Variants in CHD1L observed in about 807,000 individuals in gnomAD.
CHD1L encodes chromodomain helicase DNA binding protein 1 like.
A neutral mutation model predicts 115.9 loss-of-function variants in CHD1L; 118 were observed. That is an observed-to-expected ratio of 1.02 (90% CI 0.88 to 1.19). The LOEUF (loss-of-function observed/expected upper bound fraction) is 1.19. Ranked by LOEUF, CHD1L falls within the 50% of genes most tolerant of loss-of-function variation. The pLI is 0.00. For missense variants in CHD1L, 1,179 were observed against 1,065.3 expected, an observed-to-expected ratio of 1.11 and a Z score of -1.49; for synonymous variants, 411 against 387.1, an observed-to-expected ratio of 1.06 and a Z score of -0.72.
At chr1:147,291,777 G>C (rs1467077068) in intron 20 of CHD1L, among the ~76,000 whole-genome samples, 1 of 152,130 alleles carries the variant, frequency 6.6e-6, no homozygotes, top group East Asian at 1.9e-4. Context: ...TTTCTCCCGA[G>C]GATTCTCTCC....
the CHD1L span, among the ~76,000 whole-genome samples, chr1:147,214,458 A>AG: frequency 1.0e-3 from 2 of 1,916 alleles, no homozygotes; most frequent in Non-Finnish European, 0.018. Context: ...CTGAAAAAAA[A>AG]CAAAAAACAA....
the CHD1L span, among the ~76,000 whole-genome samples, chr1:147,188,069 GATA>G: frequency 6.6e-6 from 1 of 152,168 alleles, no homozygotes; most frequent in Admixed American, 6.5e-5. Flanking sequence ...CAGAGGACCT[GATA>G]GAGGGTCAAG....
chr1:147,193,018 C>A, the CHD1L span, among the ~76,000 whole-genome samples: 6 of 152,102 alleles, frequency 3.9e-5, no homozygotes, highest in African/African-American at 7.3e-5. Context: ...ATGATGCTGG[C>A]CTCATAAAAT....
the CHD1L span, among the ~76,000 whole-genome samples, chr1:147,229,496 T>C: frequency 6.6e-6 from 1 of 152,200 alleles, no homozygotes; most frequent in South Asian, 2.1e-4. Flanking sequence ...ATGCGGGCTC[T>C]TTTTTGGTTC....
the CHD1L span, chr1:147,178,123 C>A: frequency 6.3e-7 from 1 of 1,591,236 alleles, no homozygotes; most frequent in Non-Finnish European, 8.6e-7. Flanking sequence ...CATGTGCCTC[C>A]GCCGCCCAGC....
At chr1:147,293,386 A>C (rs1270487235) in intron 20 of CHD1L, among the ~76,000 whole-genome samples, 1 of 152,210 alleles carries the variant, frequency 6.6e-6, no homozygotes, top group Admixed American at 6.5e-5. Context: ...AGTATTTTAA[A>C]AAGAAGAAGA....
rs1553974482 is a variant in CHD1L, at chr1:147,294,437, T to C, written c.2535T>C (p.His845=). Residue 845 remains histidine, a synonymous_variant, in exon 22 of 23, where the codon CAT becomes CAC. Coordinates refer to ENST00000369258, the MANE Select transcript of CHD1L (RefSeq NM_004284.6). ...GTGTTCATCTTCCACGTATTGGACA[T>C]GCCACGAAAGGTTTTAACTGGTATG... The part of the protein sequence containing the change: ...KASVHLPRIG[H]ATKGFNWYGT... The C allele has an allele frequency of 2.5e-6, 4 of 1,612,788 alleles. No homozygotes were observed. Among genetic ancestry groups the C allele is most frequent in the South Asian group, 2.2e-5 (2 of 90,832 alleles).
At chr1:147,220,725 G>A in the CHD1L span, among the ~76,000 whole-genome samples, 1 of 152,076 alleles carries the variant, frequency 6.6e-6, no homozygotes, top group Non-Finnish European at 1.5e-5. Context: ...AAAAGGAAGG[G>A]ATCCAGTGTC....
rs782190965 is a variant in CHD1L, at chr1:147,242,707, G to A, written c.4G>A (p.Glu2Lys). 11 of 1,259,356 alleles carry A rather than the reference G, an allele frequency of 8.7e-6. No homozygotes were observed. Among genetic ancestry groups the A allele is most frequent in the South Asian group, 7.7e-5 (2 of 26,022 alleles). 78.0% of individuals were successfully genotyped at this position (1,259,356 alleles called of 1,614,324 possible). A position where few individuals can be genotyped will look rare whatever the true frequency, so the allele number is the denominator to read the frequency against. Reference sequence around the variant, plus strand: ...GGGCGGGGCCTCTACCGGCCCGATGGAGCGCGCGGGCGCTACTAGCCGCGG... The same window carrying A: ...GGGCGGGGCCTCTACCGGCCCGATGAAGCGCGCGGGCGCTACTAGCCGCGG... M[E>K]RAGATSRGGQ... The change falls in exon 1 of 23, where the codon GAG (glutamate) becomes AAG (lysine). Residue 2 changes from glutamate (E) to lysine (K), a missense_variant. Coordinates refer to ENST00000369258, the MANE Select transcript of CHD1L (RefSeq NM_004284.6).
chr1:147,250,238 A>G (rs988571353), intron 1 of CHD1L, among the ~76,000 whole-genome samples: 3 of 151,976 alleles, frequency 2.0e-5, no homozygotes, highest in Non-Finnish European at 2.9e-5. Context: ...GTTGGCACCT[A>G]TTGATTATCT....
intron 18 of CHD1L, 93 bp downstream of exon 18, chr1:147,286,593 C>A (rs1272861288): frequency 8.9e-7 from 1 of 1,124,682 alleles, no homozygotes. Flanking sequence ...GGGTGGTGGT[C>A]CCAGTGTAGT....
the CHD1L span, chr1:147,186,741 G>T: frequency 2.6e-4 from 367 of 1,435,516 alleles, 3 homozygotes; most frequent in South Asian, 5.4e-3. Context: ...ATGGAAAACA[G>T]GTTTCATTGT....
At chr1:147,290,770 C>G (rs1685209069) in intron 19 of CHD1L, among the ~76,000 whole-genome samples, 1 of 152,154 alleles carries the variant, frequency 6.6e-6, no homozygotes, top group South Asian at 2.1e-4. Context: ...CCTCCCACCT[C>G]AGCCTCCCAA....
Position 147,285,348 on chromosome 1 carries a change from G to C in CHD1L, c.1879G>C (p.Gly627Arg). The C allele has an allele frequency of 6.2e-7, 1 of 1,613,638 alleles. No homozygotes were observed. Among genetic ancestry groups the C allele is most frequent in the Non-Finnish European group, 8.5e-7 (1 of 1,179,848 alleles). Residue 627 changes from glycine (G) to arginine (R), a missense_variant, in exon 17 of 23, where the codon GGA (glycine) becomes CGA (arginine). Coordinates refer to ENST00000369258, the MANE Select transcript of CHD1L (RefSeq NM_004284.6). ...GSVLIPGLVE[G>R]STKRKRVLSP... is the part of the protein sequence containing the mutation. ...GGTTCTCATCCCAGGCCTTGTGGAG[G>C]GATCTACCAAAAGGAAGCGGGTTCT...
chr1:147,243,574 A>G (rs1439534934), intron 1 of CHD1L, among the ~76,000 whole-genome samples: 1 of 151,556 alleles, frequency 6.6e-6, no homozygotes, highest in Non-Finnish European at 1.5e-5. Context: ...CAGCTCCGAG[A>G]CCCCGCTCTC....
At chr1:147,292,791 T>A (rs1686043864) in intron 20 of CHD1L, among the ~76,000 whole-genome samples, 1 of 152,166 alleles carries the variant, frequency 6.6e-6, no homozygotes, top group Non-Finnish European at 1.5e-5. Flanking sequence ...GAGCAAGAAC[T>A]CATCACCAAG....
intron 5 of CHD1L, chr1:147,258,974 A>C (rs959245127): frequency 6.6e-6 from 1 of 152,230 alleles, no homozygotes; most frequent in Non-Finnish European, 1.5e-5. Flanking sequence ...ATTATTCTAT[A>C]GGCCTTTTAA....
the CHD1L span, chr1:147,178,052 C>T: frequency 3.4e-6 from 3 of 882,874 alleles, no homozygotes; most frequent in South Asian, 3.7e-5. Context: ...GTCGCGCGCC[C>T]GACCGCCGCA....
intron 1 of CHD1L, among the ~76,000 whole-genome samples, chr1:147,250,105 C>G (rs60936983): frequency 0.013 from 1,972 of 152,078 alleles, 43 homozygotes; most frequent in African/African-American, 0.046. Context: ...ATTTCTGTTT[C>G]TTACCTGAGG....
Sources: gnomAD v4.1 joint callset for allele counts (sites outside exome capture counted in the v4.1 genomes callset) on GRCh38, gnomAD v4.1.1 for gene constraint, MANE v1.5 for transcripts, NCBI Gene and HGNC (gene_info 2026-07-23, HGNC 2026-07-21) for gene names.